Variants in PRKAR1A observed in about 807,000 individuals in gnomAD.
PRKAR1A encodes the protein protein kinase cAMP-dependent type I regulatory subunit alpha.
PRKAR1A carries 3 observed loss-of-function variants against 52.0 expected under a neutral mutation model. The observed-to-expected ratio is 0.06, with a 90% confidence interval of 0.03 to 0.15. The LOEUF (loss-of-function observed/expected upper bound fraction) is 0.15, where lower values mean the gene tolerates loss of function less well. Ranked by LOEUF, PRKAR1A falls within the 10% of genes least tolerant of loss-of-function variation. The pLI is 1.00. For missense variants in PRKAR1A, 240 were observed against 477.4 expected, an observed-to-expected ratio of 0.50 and a Z score of 4.63; for synonymous variants, 188 against 168.4, an observed-to-expected ratio of 1.12 and a Z score of -0.90.
the PRKAR1A span, among the ~76,000 whole-genome samples, chr17:68,426,758 C>A: frequency 6.6e-6 from 1 of 152,198 alleles, no homozygotes; most frequent in Admixed American, 6.5e-5. Flanking sequence ...TGGTCTCAAA[C>A]CCCTGGCCTC....
the PRKAR1A span, among the ~76,000 whole-genome samples, chr17:68,466,341 G>A: frequency 5.3e-5 from 8 of 151,168 alleles, no homozygotes; most frequent in African/African-American, 1.9e-4. Flanking sequence ...TAACAACACT[G>A]AAGTGTTTCT....
chr17:68,541,975 AC>A (rs2086318161), intron 11 of PRKAR1A: 1 of 1,611,484 alleles, frequency 6.2e-7, no homozygotes, highest in Non-Finnish European at 8.5e-7. Context: ...TGGCCTGGGG[AC>A]CAACTCACTC....
In PRKAR1A at chr17:68,532,787, C is replaced by T; in HGVS notation, c.*2338C>T. On this transcript the variant is annotated 3_prime_UTR_variant, in exon 11 of 11. Coordinates refer to ENST00000589228, the MANE Select transcript of PRKAR1A (RefSeq NM_002734.5). ...ATTCTTAAATGAATCAGTTTTTCTTCCCTTTCTCCTTTCCGTCTTTCCTCT... is the reference window on the plus strand; with the variant it reads ...ATTCTTAAATGAATCAGTTTTTCTTTCCTTTCTCCTTTCCGTCTTTCCTCT... 2.8e-6 allele frequency: 3 copies of T among 1,066,450 alleles called. No homozygotes were observed. The highest frequency in any genetic ancestry group is 3.4e-6 in the Non-Finnish European group (3 of 879,776). The allele number at this position is 1,066,450 out of a possible 1,614,324, so 66.1% of individuals were successfully genotyped here.
chr17:68,421,664 C>A, the PRKAR1A span: 1 of 1,502,342 alleles, frequency 6.7e-7, no homozygotes. Flanking sequence ...ACCCGGGATT[C>A]CTGCCCCCCT....
At chr17:68,504,355 TACTTGGGAGGCTGAGGCATGAGAATC>T in the PRKAR1A span, among the ~76,000 whole-genome samples, 4 of 151,784 alleles carry the variant, frequency 2.6e-5, no homozygotes, top group African/African-American at 9.7e-5. Flanking sequence ...TAATCTCAGC[TACTTGGGAGGCTGAGGCATGAGAATC>T]ACTTGAACCC....
chr17:68,498,574 C>T, the PRKAR1A span, among the ~76,000 whole-genome samples: 1 of 152,174 alleles, frequency 6.6e-6, no homozygotes, highest in African/African-American at 2.4e-5. Flanking sequence ...GTGGGTGCTC[C>T]TGCCTTTGAG....
In PRKAR1A at chr17:68,531,173, T is replaced by A. The variant is rs746409603; in HGVS notation, c.*724T>A. The A allele has an allele frequency of 6.5e-5, 69 of 1,065,568 alleles. No individual in the cohort carries two copies. Among genetic ancestry groups the A allele is most frequent in the Non-Finnish European group, 7.5e-5 (66 of 878,948 alleles). 66.0% of individuals were successfully genotyped at this position (1,065,568 alleles called of 1,614,324 possible). A position where few individuals can be genotyped will look rare whatever the true frequency, so the allele number is the denominator to read the frequency against. On this transcript the variant is annotated 3_prime_UTR_variant, in exon 11 of 11. Transcript: ENST00000589228. Reference sequence around the variant, plus strand: ...TTAAGTTTGAAACTAACTCATAGATTGCAAATATTGGTTAGTATTTAACTA... The same window carrying A: ...TTAAGTTTGAAACTAACTCATAGATAGCAAATATTGGTTAGTATTTAACTA...
At chr17:68,430,191 C>G in the PRKAR1A span, 3 of 1,592,420 alleles carry the variant, frequency 1.9e-6, no homozygotes, top group African/African-American at 2.7e-5. Context: ...AACGATGGGA[C>G]TGGGCTGCAG....
chr17:68,524,700 G>T (rs955587218), intron 5 of PRKAR1A, among the ~76,000 whole-genome samples: 2 of 151,874 alleles, frequency 1.3e-5, no homozygotes, highest in Non-Finnish European at 2.9e-5. Flanking sequence ...TTTTTTCAGA[G>T]GTATTCTTCA....
chr17:68,544,269 G>A (rs1175381415), intron 11 of PRKAR1A, among the ~76,000 whole-genome samples: 1 of 152,102 alleles, frequency 6.6e-6, no homozygotes, highest in Non-Finnish European at 1.5e-5. Flanking sequence ...AAACACAGCC[G>A]GATCATGAGG....
chr17:68,420,111 A>G, the PRKAR1A span: 1 of 1,507,128 alleles, frequency 6.6e-7, no homozygotes, highest in Non-Finnish European at 9.0e-7. Context: ...TTAATGTAGA[A>G]TCACTCGCAG....
chr17:68,485,321 C>A, the PRKAR1A span, among the ~76,000 whole-genome samples: 3 of 152,190 alleles, frequency 2.0e-5, no homozygotes, highest in African/African-American at 4.8e-5. Context: ...GGATATTGTC[C>A]TAGACCTCAG....
the PRKAR1A span, among the ~76,000 whole-genome samples, chr17:68,502,970 G>A: frequency 6.6e-6 from 1 of 151,922 alleles, no homozygotes; most frequent in Non-Finnish European, 1.5e-5. Flanking sequence ...AGACTTTATT[G>A]GTCTGATTCA....
At chr17:68,457,404 C>G in the PRKAR1A span, 1 of 1,525,362 alleles carries the variant, frequency 6.6e-7, no homozygotes, top group Non-Finnish European at 8.8e-7. Context: ...GGGGAGCGTC[C>G]GCGGCCTCGG....
At chr17:68,518,926 G>T (rs1295064426) in intron 2 of PRKAR1A, among the ~76,000 whole-genome samples, 1 of 152,234 alleles carries the variant, frequency 6.6e-6, no homozygotes, top group East Asian at 1.9e-4. Flanking sequence ...CTAGGGCAGG[G>T]CCAAAATACT....
At chr17:68,526,037 G>T in intron 7 of PRKAR1A, 125 bp downstream of exon 7, 1 of 1,236,478 alleles carries the variant, frequency 8.1e-7, no homozygotes, top group Non-Finnish European at 1.1e-6. Flanking sequence ...CTTTTAATAA[G>T]CGAATATTTT....
the PRKAR1A span, among the ~76,000 whole-genome samples, chr17:68,493,469 C>T: frequency 6.6e-6 from 1 of 152,170 alleles, no homozygotes; most frequent in Non-Finnish European, 1.5e-5. Flanking sequence ...TCCCCCCGCA[C>T]GTGTTCTTAC....
At chr17:68,457,345 C>A in the PRKAR1A span, 1 of 1,546,682 alleles carries the variant, frequency 6.5e-7, no homozygotes, top group Non-Finnish European at 8.7e-7. Flanking sequence ...AGCTTACGTG[C>A]AGTCCTGGTT....
chr17:68,533,373 C>A lies in PRKAR1A; in HGVS notation c.*2924C>A. The A allele has an allele frequency of 9.4e-7, 1 of 1,061,388 alleles. No individual in the cohort carries two copies. Among genetic ancestry groups the A allele is most frequent in the Non-Finnish European group, 1.1e-6 (1 of 876,694 alleles). The allele number at this position is 1,061,388 out of a possible 1,614,324, so 65.7% of individuals were successfully genotyped here. On this transcript the variant is annotated 3_prime_UTR_variant, in exon 11 of 11. Coordinates refer to ENST00000589228, the MANE Select transcript of PRKAR1A (RefSeq NM_002734.5). The stretch of plus-strand genomic sequence containing the variant: ...CCTTTTCTAGATTCAGTAATCCCTT[C>A]CCCCCGTCCTCTGGAGTATGAAACC...
Sources: allele counts gnomAD v4.1 joint callset (sites outside exome capture counted in the v4.1 genomes callset), GRCh38; gene constraint gnomAD v4.1.1; transcripts MANE v1.5; gene names NCBI Gene and HGNC (gene_info 2026-07-23, HGNC 2026-07-21).